Variants in PGAP1 observed in about 807,000 individuals in gnomAD.
PGAP1 encodes the protein post-GPI attachment to proteins inositol deacylase 1.
A neutral mutation model predicts 127.0 loss-of-function variants in PGAP1; 76 were observed. That is an observed-to-expected ratio of 0.60 (90% CI 0.50 to 0.72). PGAP1 has a LOEUF of 0.72. Ranked by LOEUF, PGAP1 falls within the 30% of genes least tolerant of loss-of-function variation. PGAP1 has a pLI of 0.00. For missense variants in PGAP1, 982 were observed against 1,071.3 expected (o/e 0.92, Z 1.16); for synonymous variants, 362 against 366.5 (o/e 0.99, Z 0.14).
intron 20 of PGAP1, among the ~76,000 whole-genome samples, chr2:196,859,469 C>CA (rs962248388): frequency 4.6e-4 from 69 of 149,230 alleles, no homozygotes; most frequent in African/African-American, 7.9e-4. Flanking sequence ...GTCAATATTC[C>CA]AAAAAAAAAC....
chr2:196,863,722 C>T lies in PGAP1; in HGVS notation c.1861+1265G>A, dbSNP rs142638379. Among the ~76,000 whole-genome samples the T allele has an allele frequency of 1.1e-3, 167 of 152,214 alleles. No homozygotes were observed. The East Asian group carries it at 0.019, about 18-fold the overall frequency. The stretch of plus-strand genomic sequence containing the variant: ...TCTCCTGGACAGCTAGGATTACAGG[C>T]GCCCACCACCAAGCCTGGATAATTT... On this transcript the variant is annotated intron_variant, in intron 20 of 26. Coordinates refer to ENST00000354764, the MANE Select transcript of PGAP1 (RefSeq NM_024989.4).
At chr2:196,847,820 A>G in intron 21 of PGAP1, 127 bp downstream of exon 21, 2 of 625,210 alleles carry the variant, frequency 3.2e-6, no homozygotes, top group South Asian at 5.4e-5. Context: ...AGAGAAAAAA[A>G]AAACCTCATT....
At position 196,833,608 on chromosome 2, in the gene PGAP1, A is replaced by G. The variant is rs1212449301; in HGVS notation, c.*7626T>C. On this transcript the variant is annotated 3_prime_UTR_variant, in exon 27 of 27. Transcript: ENST00000354764. ...AAACTACCTTCATGTCAATAAGATC[A>G]TGTTTTAAGGAAAGACATTTTCTTT... is the stretch of plus-strand genomic sequence containing the variant. 1.3e-5 allele frequency: 2 copies of G among 152,286 alleles called. No homozygotes were observed. Among genetic ancestry groups the G allele is most frequent in the East Asian group, 1.9e-4 (1 of 5,192 alleles). 9.4% of individuals were successfully genotyped at this position (152,286 alleles called of 1,614,324 possible).
intron 20 of PGAP1, 122 bp from the exon 21 acceptor site, chr2:196,848,159 T>C (rs1700612597): frequency 2.0e-6 from 1 of 490,208 alleles, no homozygotes. Flanking sequence ...TTCATTACTA[T>C]CACAGAGACT....
At chr2:196,897,283 G>A (rs2125823033) in intron 6 of PGAP1, 86 bp from the exon 7 acceptor site, 2 of 747,738 alleles carry the variant, frequency 2.7e-6, no homozygotes, top group South Asian at 2.5e-5. Flanking sequence ...TTGTTTAGTG[G>A]AACATTTGAG....
intron 3 of PGAP1, among the ~76,000 whole-genome samples, chr2:196,913,990 A>C (rs1221620408): frequency 6.6e-6 from 1 of 152,204 alleles, no homozygotes; most frequent in Non-Finnish European, 1.5e-5. Context: ...CTGAGTCTCT[A>C]ATGAGCTTCC....
chr2:196,899,711 G>A (rs1053396182), intron 5 of PGAP1, among the ~76,000 whole-genome samples: 3 of 152,218 alleles, frequency 2.0e-5, no homozygotes, highest in African/African-American at 2.4e-5. Flanking sequence ...CACTTGGCTA[G>A]ACTACAGCTC....
chr2:196,852,514 A>G (rs73064905), intron 20 of PGAP1, among the ~76,000 whole-genome samples: 15,509 of 151,948 alleles, frequency 0.1, 956 homozygotes, highest in African/African-American at 0.17. Flanking sequence ...ATTCTAATTA[A>G]TGTATATAAA....
intron 19 of PGAP1, among the ~76,000 whole-genome samples, chr2:196,870,352 A>C (rs753297622): frequency 9.4e-4 from 138 of 146,360 alleles, no homozygotes; most frequent in Admixed American, 9.7e-4. Context: ...GTTAGAGTGC[A>C]GTGGCACAAT....
At position 196,912,977 on chromosome 2, in the gene PGAP1, G is replaced by GT; in HGVS notation, c.553dup (p.Thr185AsnfsTer6). ...CAGATCATGCTTAAAATTTTTCAGT[G>GT]TAAGCAATGCTCTTGCAACAAGGCC... On this transcript the variant is annotated frameshift_variant, in exon 4 of 27. Transcript: ENST00000354764. LOFTEE classifies it high-confidence loss of function. 1 of 1,613,808 alleles carries GT rather than the reference G, an allele frequency of 6.2e-7. No homozygotes were observed. The highest frequency in any genetic ancestry group is 8.5e-7 in the Non-Finnish European group (1 of 1,179,866).
At chr2:196,903,767 C>G (rs1278342435) in intron 4 of PGAP1, among the ~76,000 whole-genome samples, 1 of 152,142 alleles carries the variant, frequency 6.6e-6, no homozygotes. Flanking sequence ...AGGGAAGAAC[C>G]TGCAGACAAT....
chr2:196,882,510 T>C (rs1701765092), intron 12 of PGAP1, among the ~76,000 whole-genome samples: 2 of 152,234 alleles, frequency 1.3e-5, no homozygotes, highest in South Asian at 4.1e-4. Flanking sequence ...TTTGTTGATG[T>C]CATCTCTGAT....
intron 20 of PGAP1, among the ~76,000 whole-genome samples, chr2:196,852,309 T>A (rs1447556397): frequency 6.6e-6 from 1 of 152,084 alleles, no homozygotes; most frequent in Non-Finnish European, 1.5e-5. Flanking sequence ...TTGGCTTCAA[T>A]AAATGAGTAC....
intron 12 of PGAP1, among the ~76,000 whole-genome samples, chr2:196,882,056 C>G (rs987655835): frequency 6.6e-6 from 1 of 152,148 alleles, no homozygotes; most frequent in Non-Finnish European, 1.5e-5. Flanking sequence ...CACTTTCAAC[C>G]TTCTGCATAA....
Position 196,864,715 on chromosome 2 carries a change from T to C in PGAP1, c.1861+272A>G, listed in dbSNP as rs185465052. ...GCTTCCTCAAACTATTTGGGATTGG[T>C]GGTTGATAGTGGAAACGTAATAAAG... On this transcript the variant is annotated intron_variant, in intron 20 of 26. Transcript: ENST00000354764. 2.1e-3 allele frequency among the ~76,000 whole-genome samples: 326 copies of C among 152,252 alleles called. 1 individual carries two copies. Among genetic ancestry groups the C allele is most frequent in the African/African-American group, 7.1e-3 (295 of 41,562 alleles).
At chr2:196,922,256 T>C in intron 1 of PGAP1, 1 of 1,217,402 alleles carries the variant, frequency 8.2e-7, no homozygotes, top group Non-Finnish European at 1.1e-6. Context: ...TTTAAGAAAC[T>C]AAAATATCTA....
At chr2:196,922,965 C>T (rs140026825) in intron 1 of PGAP1, among the ~76,000 whole-genome samples, 3,166 of 152,078 alleles carry the variant, frequency 0.021, 114 homozygotes, top group African/African-American at 0.071. Flanking sequence ...GCTAGGATTA[C>T]AGGTGTGAGC....
intron 1 of PGAP1, among the ~76,000 whole-genome samples, chr2:196,924,206 T>C (rs1315697131): frequency 6.6e-6 from 1 of 152,174 alleles, no homozygotes; most frequent in African/African-American, 2.4e-5. Flanking sequence ...ACCACCTTTC[T>C]ATTTCTGCTG....
rs1301114257 is a variant in PGAP1, at chr2:196,852,573, A to ATTATT, written c.1862-4537_1862-4536insAATAA. Among the ~76,000 whole-genome samples the ATTATT allele has an allele frequency of 1.5e-3, 227 of 152,134 alleles. 1 individual carries two copies. Among genetic ancestry groups the ATTATT allele is most frequent in the African/African-American group, 5.2e-3 (218 of 41,578 alleles). On this transcript the variant is annotated intron_variant, in intron 20 of 26. Coordinates refer to ENST00000354764, the MANE Select transcript of PGAP1 (RefSeq NM_024989.4). ...TGATGAGAAAAATTATAAGAAAGGC[A>ATTATT]TACAAATGTGTTCTTTATTGACAAA... is the stretch of plus-strand genomic sequence containing the variant.
Sources: allele counts gnomAD v4.1 joint callset (sites outside exome capture counted in the v4.1 genomes callset), GRCh38; gene constraint gnomAD v4.1.1; transcripts MANE v1.5; gene names NCBI Gene and HGNC (gene_info 2026-07-23, HGNC 2026-07-21).